Variants in PDE11A observed in about 807,000 individuals in gnomAD.
The protein encoded by PDE11A is dual 3',5'-cyclic-AMP and -GMP phosphodiesterase 11A.
PDE11A carries 100 observed loss-of-function variants against 100.5 expected under a neutral mutation model. The observed-to-expected ratio is 1.00, with a 90% CI of 0.85 to 1.18. The LOEUF is 1.18. Among genes scored for constraint, PDE11A ranks in the 50% most tolerant of loss-of-function variants. The probability of loss-of-function intolerance (pLI) is 0.00; values close to 1 mark genes in which losing one functional copy is unlikely to be tolerated. For missense variants in PDE11A, 1,141 were observed against 1,152.6 expected, an observed-to-expected ratio of 0.99 and a Z score of 0.15; for synonymous variants, 381 against 420.8, an observed-to-expected ratio of 0.91 and a Z score of 1.16.
intron 1 of PDE11A, among the ~76,000 whole-genome samples, chr2:178,058,948 A>C (rs528250453): frequency 1.3e-5 from 2 of 152,202 alleles, no homozygotes; most frequent in Non-Finnish European, 2.9e-5. Context: ...GTCTGGCTCC[A>C]TGAGCCTGCA....
chr2:177,860,882 C>A (rs190645481), intron 5 of PDE11A, among the ~76,000 whole-genome samples: 1 of 151,922 alleles, frequency 6.6e-6, no homozygotes, highest in Admixed American at 6.6e-5. Context: ...CAAAATCCAA[C>A]ATGCTTTCAT....
At chr2:177,775,637 CCA>C (rs1295177334) in intron 9 of PDE11A, among the ~76,000 whole-genome samples, 6 of 152,152 alleles carry the variant, frequency 3.9e-5, no homozygotes, top group Non-Finnish European at 7.3e-5. Flanking sequence ...ACACACTTGG[CCA>C]CACTCATTTT....
rs66999450 is a variant in PDE11A, at chr2:178,091,779, T to TGG, written c.162+12521_162+12522dup. Among the ~76,000 whole-genome samples, 317 of 151,892 alleles carry TGG rather than the reference T, an allele frequency of 2.1e-3. 1 individual carries two copies. The highest frequency in any genetic ancestry group is 6.6e-3 in the African/African-American group (273 of 41,374). ...GTCTCTTATATTTGCTGTAAGTGGG[T>TGG]GGGGGGGCTCTTTCCACATTTATGA... On this transcript the variant is annotated intron_variant, in intron 2 of 20. Coordinates refer to the PDE11A transcript ENST00000358450.
chr2:178,088,937 A>T (rs916008894), intron 2 of PDE11A, among the ~76,000 whole-genome samples: 1 of 152,212 alleles, frequency 6.6e-6, no homozygotes, highest in African/African-American at 2.4e-5. Context: ...GTAAAAGTTA[A>T]TTATTATTTC....
At chr2:178,013,892 C>T (rs905525223) in intron 2 of PDE11A, among the ~76,000 whole-genome samples, 5 of 152,014 alleles carry the variant, frequency 3.3e-5, no homozygotes, top group Admixed American at 3.3e-4. Context: ...TATATAAGAA[C>T]TGAGAAAACA....
At chr2:177,852,806 G>A (rs1470526848) in intron 5 of PDE11A, among the ~76,000 whole-genome samples, 1 of 152,186 alleles carries the variant, frequency 6.6e-6, no homozygotes, top group East Asian at 1.9e-4. Context: ...GATTCTCTAA[G>A]TTGCAGGAGT....
intron 9 of PDE11A, among the ~76,000 whole-genome samples, chr2:177,785,426 C>G (rs1178075967): frequency 2.6e-5 from 3 of 115,732 alleles, no homozygotes; most frequent in African/African-American, 9.5e-5. Context: ...CGAATAGGAA[C>G]AGCTCCAGTC....
chr2:177,998,333 A>T, intron 2 of PDE11A: 1 of 807,356 alleles, frequency 1.2e-6, no homozygotes, highest in South Asian at 1.3e-5. Flanking sequence ...ATTCTCTAAC[A>T]ATGTCCTCTC....
intron 5 of PDE11A, among the ~76,000 whole-genome samples, chr2:177,867,667 A>C (rs1001569835): frequency 1.3e-5 from 2 of 152,184 alleles, no homozygotes; most frequent in Admixed American, 1.3e-4. Flanking sequence ...CAGAGGTTGC[A>C]GTGAGCCGAG....
At chr2:178,089,356 T>C (rs565348854) in intron 2 of PDE11A, among the ~76,000 whole-genome samples, 1 of 152,112 alleles carries the variant, frequency 6.6e-6, no homozygotes, top group East Asian at 1.9e-4. Flanking sequence ...GGGAGAAAGA[T>C]TGAGCTCAAC....
intron 6 of PDE11A, among the ~76,000 whole-genome samples, chr2:177,828,987 A>T (rs1418051052): frequency 6.6e-6 from 1 of 152,038 alleles, no homozygotes; most frequent in African/African-American, 2.4e-5. Flanking sequence ...GAAATAGTAC[A>T]GGGATGATAG....
chr2:177,954,645 T>C (rs937087083), intron 2 of PDE11A, among the ~76,000 whole-genome samples: 1 of 152,200 alleles, frequency 6.6e-6, no homozygotes, highest in Non-Finnish European at 1.5e-5. Context: ...CCTTAGTTAA[T>C]GCAAGACACA....
At chr2:177,947,242 G>C (rs1186551323) in intron 2 of PDE11A, among the ~76,000 whole-genome samples, 7 of 124,470 alleles carry the variant, frequency 5.6e-5, no homozygotes, top group African/African-American at 2.1e-4. Context: ...CCCTCTGCCC[G>C]GCCACCACCC....
At chr2:177,843,423 A>T (rs751302182) in intron 5 of PDE11A, among the ~76,000 whole-genome samples, 2 of 152,196 alleles carry the variant, frequency 1.3e-5, no homozygotes, top group Non-Finnish European at 2.9e-5. Context: ...GATAATAAAC[A>T]CTTCACTGTG....
intron 6 of PDE11A, among the ~76,000 whole-genome samples, chr2:177,839,326 A>G (rs2083451080): frequency 6.6e-6 from 1 of 152,194 alleles, no homozygotes; most frequent in Non-Finnish European, 1.5e-5. Context: ...GATGACATCT[A>G]CTTCTCAGGG....
At chr2:178,091,996 C>A (rs2087429591) in intron 2 of PDE11A, among the ~76,000 whole-genome samples, 1 of 152,116 alleles carries the variant, frequency 6.6e-6, no homozygotes, top group Non-Finnish European at 1.5e-5. Flanking sequence ...CACCCAAGGT[C>A]AACATTGGCT....
chr2:178,069,584 A>AG (rs1442574012), intron 1 of PDE11A, among the ~76,000 whole-genome samples: 5 of 150,216 alleles, frequency 3.3e-5, no homozygotes, highest in Admixed American at 6.6e-5. Context: ...TGGGGGGAAA[A>AG]GGGAAAAAAA....
intron 2 of PDE11A, among the ~76,000 whole-genome samples, chr2:177,999,623 CCTTTAAAGAAAAGGTA>C (rs892755743): frequency 6.6e-6 from 1 of 152,084 alleles, no homozygotes; most frequent in Admixed American, 6.6e-5. Context: ...TTGGGTGGCA[CCTTTAAAGAAAAGGTA>C]CTGATTTCCC....
At chr2:177,760,946 CA>C (rs1234549040) in intron 10 of PDE11A, among the ~76,000 whole-genome samples, 1 of 152,056 alleles carries the variant, frequency 6.6e-6, no homozygotes, top group Non-Finnish European at 1.5e-5. Flanking sequence ...ATTTCAAAAA[CA>C]GGAAAGACAG....
Sources: allele counts gnomAD v4.1 joint callset (sites outside exome capture counted in the v4.1 genomes callset), GRCh38; gene constraint gnomAD v4.1.1; transcripts MANE v1.5; gene names NCBI Gene and HGNC (gene_info 2026-07-23, HGNC 2026-07-21).